Variants in TRDMT1 observed in about 807,000 individuals in gnomAD.
TRDMT1 encodes the protein tRNA (cytosine(38)-C(5))-methyltransferase.
In TRDMT1, 49 loss-of-function variants were observed where a neutral mutation model predicts 51.2. The observed-to-expected ratio is 0.96, with a 90% CI of 0.76 to 1.21. The LOEUF (loss-of-function observed/expected upper bound fraction) is 1.21, where lower values mean the gene tolerates loss of function less well. Ranked by LOEUF, TRDMT1 falls within the 50% of genes most tolerant of loss-of-function variation. The pLI is 0.00. For missense variants in TRDMT1, 534 were observed against 462.3 expected, an observed-to-expected ratio of 1.16 and a Z score of -1.42; for synonymous variants, 187 against 164.6, an observed-to-expected ratio of 1.14 and a Z score of -1.04.
At chr10:17,184,959 A>G (rs1421850111) in intron 1 of TRDMT1, among the ~76,000 whole-genome samples, 1 of 152,160 alleles carries the variant, frequency 6.6e-6, no homozygotes, top group Non-Finnish European at 1.5e-5. Flanking sequence ...TTTCTCTGCT[A>G]GAATTCTGCA....
At chr10:17,167,305 G>C (rs979199542) in intron 3 of TRDMT1, among the ~76,000 whole-genome samples, 3 of 152,122 alleles carry the variant, frequency 2.0e-5, no homozygotes, top group African/African-American at 7.2e-5. Flanking sequence ...TATTACATAT[G>C]ATATTCTACT....
intron 3 of TRDMT1, among the ~76,000 whole-genome samples, chr10:17,163,005 C>T (rs558976811): frequency 2.0e-5 from 3 of 152,116 alleles, no homozygotes; most frequent in African/African-American, 7.2e-5. Context: ...TTCAGAGGAA[C>T]GAACTGCTGA....
At chr10:17,187,461 G>A (rs79160183) in intron 1 of TRDMT1, among the ~76,000 whole-genome samples, 3,719 of 152,146 alleles carry the variant, frequency 0.024, 138 homozygotes, top group African/African-American at 0.083. Context: ...CCTTTAAAAT[G>A]TTCATGTACT....
chr10:17,191,473 G>A (rs770827985), intron 1 of TRDMT1, among the ~76,000 whole-genome samples: 3 of 152,172 alleles, frequency 2.0e-5, no homozygotes, highest in Non-Finnish European at 2.9e-5. Flanking sequence ...CTCCGAAGCG[G>A]CAAGAGTTAG....
chr10:17,193,701 A>G (rs1426401077), intron 1 of TRDMT1, among the ~76,000 whole-genome samples: 2 of 152,218 alleles, frequency 1.3e-5, no homozygotes, highest in East Asian at 1.9e-4. Flanking sequence ...TTATGGATTC[A>G]AAAAATCAAT....
chr10:17,150,941 A>C, intron 10 of TRDMT1: 1 of 985,382 alleles, frequency 1.0e-6, no homozygotes, highest in Non-Finnish European at 1.2e-6. Flanking sequence ...CAATTACCTC[A>C]GAAGGAAAGA....
rs992618301 is a variant in TRDMT1 at position 17,148,746 on chromosome 10, C to T, written c.*294G>A. ...ATGTAGACACTAAAGCTCTAGTGCT[C>T]CTTGATTTGTTTATAAAATTGTTTT... On this transcript the variant is annotated 3_prime_UTR_variant, in exon 11 of 11. Transcript: ENST00000377799. 1.9e-6 allele frequency: 2 copies of T among 1,026,414 alleles called. No homozygotes were observed. Among genetic ancestry groups the T allele is most frequent in the East Asian group, 1.8e-4 (2 of 11,178 alleles). 63.6% of individuals were successfully genotyped at this position (1,026,414 alleles called of 1,614,324 possible). A position where few individuals can be genotyped will look rare whatever the true frequency, so the allele number is the denominator to read the frequency against.
chr10:17,173,492 T>TTTTATTTGTG (rs1842283491), intron 2 of TRDMT1, among the ~76,000 whole-genome samples: 4 of 152,148 alleles, frequency 2.6e-5, no homozygotes, highest in Non-Finnish European at 5.9e-5. Flanking sequence ...AAGGGAAAAC[T>TTTTATTTGTG]TAATCCATAA....
Position 17,143,514 on chromosome 10 carries a change from T to G in TRDMT1, c.*5526A>C. Reference sequence around the variant, plus strand: ...ATTTTTTTCACATGTGAAATTTAACTGGACTTGTGTAAGGAACCAGCTAAG... The same window carrying G: ...ATTTTTTTCACATGTGAAATTTAACGGGACTTGTGTAAGGAACCAGCTAAG... On this transcript the variant is annotated 3_prime_UTR_variant, in exon 11 of 11. Transcript: ENST00000377799. 1 of 985,452 alleles carries G rather than the reference T, an allele frequency of 1.0e-6. No individual in the cohort carries two copies. Among genetic ancestry groups the G allele is most frequent in the Middle Eastern group, 5.2e-4 (1 of 1,914 alleles). 61.0% of individuals were successfully genotyped at this position (985,452 alleles called of 1,614,324 possible). A position where few individuals can be genotyped will look rare whatever the true frequency, so the allele number is the denominator to read the frequency against.
At chr10:17,153,229 G>C (rs1413544917) in intron 10 of TRDMT1, 1 of 471,486 alleles carries the variant, frequency 2.1e-6, no homozygotes, top group Non-Finnish European at 3.7e-6. Flanking sequence ...ACAGCCATCT[G>C]TGGAAAGAGG....
intron 10 of TRDMT1, among the ~76,000 whole-genome samples, chr10:17,150,143 CTG>C (rs1838494149): frequency 6.6e-6 from 1 of 152,124 alleles, no homozygotes; most frequent in African/African-American, 2.4e-5. Flanking sequence ...TTCATCAATA[CTG>C]TTATTGCTTG....
chr10:17,180,717 G>C (rs983598184), intron 1 of TRDMT1, among the ~76,000 whole-genome samples: 1 of 152,078 alleles, frequency 6.6e-6, no homozygotes, highest in Non-Finnish European at 1.5e-5. Flanking sequence ...AAATAGTGCC[G>C]TGCTTTTTTT....
chr10:17,163,854 T>C (rs1840776083), intron 3 of TRDMT1, among the ~76,000 whole-genome samples: 1 of 152,040 alleles, frequency 6.6e-6, no homozygotes, highest in African/African-American at 2.4e-5. Flanking sequence ...ACAACAGGCT[T>C]TGAAATTGAG....
Position 17,160,294 on chromosome 10 carries a change from G to T in TRDMT1, c.459+11C>A, listed in dbSNP as rs777262550. On this transcript the variant is annotated intron_variant, in intron 6 of 10. Transcript: ENST00000377799. ...ATAATTTATATAAGCATTTATAACTGTGATACCTACAGAGGTTGGAGATAA... is the reference window on the plus strand; with the variant it reads ...ATAATTTATATAAGCATTTATAACTTTGATACCTACAGAGGTTGGAGATAA... 7 of 1,488,258 alleles carry T rather than the reference G, an allele frequency of 4.7e-6. No individual in the cohort carries two copies. In the South Asian group the frequency reaches 1.0e-4, roughly 21 times the overall value. The allele number at this position is 1,488,258 out of a possible 1,614,324, so 92.2% of individuals were successfully genotyped here.
At position 17,139,308 on chromosome 10, in the gene TRDMT1, T is replaced by C. The variant is rs1588669863; in HGVS notation, c.*9732A>G. On this transcript the variant is annotated 3_prime_UTR_variant, in exon 11 of 11. Coordinates refer to ENST00000377799, the MANE Select transcript of TRDMT1 (RefSeq NM_004412.7). ...CATTCATACGATAATCAAAGGAAAA[T>C]GTCTGATTGCACTCAGACTTCAGCA... 1.5e-6 allele frequency: 1 copy of C among 674,366 alleles called. No homozygotes were observed. Among genetic ancestry groups the C allele is most frequent in the Non-Finnish European group, 1.8e-6 (1 of 545,542 alleles). The allele number at this position is 674,366 out of a possible 1,614,324, so 41.8% of individuals were successfully genotyped here.
Position 17,146,506 on chromosome 10 carries a change from T to C in TRDMT1, c.*2534A>G. On this transcript the variant is annotated 3_prime_UTR_variant, in exon 11 of 11. Coordinates refer to ENST00000377799, the MANE Select transcript of TRDMT1 (RefSeq NM_004412.7). Reference sequence around the variant, plus strand: ...CTCATTTTGTTTACATTAATTGATTTGGTCATCTCTTAGAATTAGTTTTGG... The same window carrying C: ...CTCATTTTGTTTACATTAATTGATTCGGTCATCTCTTAGAATTAGTTTTGG... 1 of 985,370 alleles carries C rather than the reference T, an allele frequency of 1.0e-6. No individual in the cohort carries two copies. Among genetic ancestry groups the C allele is most frequent in the Non-Finnish European group, 1.2e-6 (1 of 829,848 alleles). 61.0% of individuals were successfully genotyped at this position (985,370 alleles called of 1,614,324 possible).
chr10:17,153,409 G>A lies in TRDMT1; in HGVS notation c.1075+98C>T, dbSNP rs758179529. 1.4e-5 allele frequency: 19 copies of A among 1,380,296 alleles called. No homozygotes were observed. In the Admixed American group the frequency reaches 2.0e-4, roughly 14 times the overall value. 85.5% of individuals were successfully genotyped at this position (1,380,296 alleles called of 1,614,324 possible). Reference sequence around the variant, plus strand: ...GATCAGGAAAGGAAAGAGGTTTCTTGAGCCCATTTGTTTAGGCAAGTCCTA... The same window carrying A: ...GATCAGGAAAGGAAAGAGGTTTCTTAAGCCCATTTGTTTAGGCAAGTCCTA... On this transcript the variant is annotated intron_variant, in intron 10 of 10. Coordinates refer to ENST00000377799, the MANE Select transcript of TRDMT1 (RefSeq NM_004412.7).
At position 17,146,360 on chromosome 10, in the gene TRDMT1, C is replaced by T. The variant is rs764206237; in HGVS notation, c.*2680G>A. On this transcript the variant is annotated 3_prime_UTR_variant, in exon 11 of 11. Transcript: ENST00000377799. The stretch of plus-strand genomic sequence containing the variant: ...TGATTTCACAGACAGAACACCATGG[C>T]CAGGGTCCTCTGTGAAGGTGATGCC... The T allele has an allele frequency of 9.1e-6, 9 of 985,292 alleles. No homozygotes were observed. Among genetic ancestry groups the T allele is most frequent in the Non-Finnish European group, 1.1e-5 (9 of 829,940 alleles). The allele number at this position is 985,292 out of a possible 1,614,324, so 61.0% of individuals were successfully genotyped here.
In TRDMT1 at chr10:17,174,490, C is replaced by T. The variant is rs565427310; in HGVS notation, c.174+61G>A. 3.5e-6 allele frequency: 4 copies of T among 1,137,808 alleles called. No individual in the cohort carries two copies. In the South Asian group the frequency reaches 5.1e-5, roughly 14 times the overall value. 70.5% of individuals were successfully genotyped at this position (1,137,808 alleles called of 1,614,324 possible). On this transcript the variant is annotated intron_variant, in intron 2 of 10. Coordinates refer to ENST00000377799, the MANE Select transcript of TRDMT1 (RefSeq NM_004412.7). ...TAAGACAACGGAAACCAGTATTAGG[C>T]AGTGTTTTTCAATCACATTTCCCTT...
Sources: allele counts gnomAD v4.1 joint callset (sites outside exome capture counted in the v4.1 genomes callset), GRCh38; gene constraint gnomAD v4.1.1; transcripts MANE v1.5; gene names NCBI Gene and HGNC (gene_info 2026-07-23, HGNC 2026-07-21).